Variants in CRTAC1 observed in about 807,000 individuals in gnomAD.
CRTAC1 encodes the protein cartilage acidic protein 1, also known as acidic secreted protein in cartilage.
In CRTAC1, 37 loss-of-function variants were observed where a neutral mutation model predicts 67.8. The ratio of observed to expected loss-of-function variants is 0.55; its 90% CI spans 0.42 to 0.72. CRTAC1 has a LOEUF of 0.72. CRTAC1 is among the 30% of genes least tolerant of loss of function. CRTAC1 has a pLI of 0.00. For missense variants in CRTAC1, 780 were observed against 931.6 expected (o/e 0.84, Z 2.12); for synonymous variants, 348 against 371.0 (o/e 0.94, Z 0.71).
intron 1 of CRTAC1, among the ~76,000 whole-genome samples, chr10:98,018,859 C>T (rs1344593716): frequency 1.3e-5 from 2 of 152,146 alleles, no homozygotes; most frequent in South Asian, 4.1e-4. Context: ...CACAAAGACA[C>T]CCACAAAAGA....
intron 11 of CRTAC1, among the ~76,000 whole-genome samples, chr10:97,889,419 A>G (rs2050333011): frequency 6.9e-6 from 1 of 145,604 alleles, no homozygotes; most frequent in Non-Finnish European, 1.5e-5. Context: ...AGCAGCAGGG[A>G]CAGGCCAGGG....
At chr10:97,890,606 C>A (rs902925720) in intron 11 of CRTAC1, among the ~76,000 whole-genome samples, 5 of 152,070 alleles carry the variant, frequency 3.3e-5, no homozygotes, top group Middle Eastern at 3.2e-3. Context: ...CTTGTTGCCC[C>A]TTCCTCTCTG....
chr10:97,885,703 C>G (rs2050273376), intron 11 of CRTAC1, among the ~76,000 whole-genome samples: 1 of 152,120 alleles, frequency 6.6e-6, no homozygotes, highest in Non-Finnish European at 1.5e-5. Context: ...AGGTCAGCCC[C>G]TGGGAAGGAG....
chr10:97,897,021 T>TG, intron 8 of CRTAC1, 30 bp from the exon 9 acceptor site: 1 of 1,523,838 alleles, frequency 6.6e-7, no homozygotes, highest in South Asian at 1.2e-5. Context: ...CTTGCTCTGG[T>TG]GGGGTCTCAG....
chr10:97,959,173 T>G lies in CRTAC1; in HGVS notation c.225-22807A>C, dbSNP rs552528994. Among the ~76,000 whole-genome samples, 9 of 152,328 alleles carry G rather than the reference T, an allele frequency of 5.9e-5. No homozygotes were observed. In the East Asian group the frequency reaches 1.5e-3, roughly 26 times the overall value. ...ATATTCAGGTGGATCGGGGTCCCCA[T>G]GACCACCCCTAGACTCAATGATTCA... On this transcript the variant is annotated intron_variant, in intron 2 of 14. Coordinates refer to ENST00000370597, the MANE Select transcript of CRTAC1 (RefSeq NM_018058.7).
chr10:97,956,950 T>C (rs903242814), intron 2 of CRTAC1, among the ~76,000 whole-genome samples: 1 of 150,822 alleles, frequency 6.6e-6, no homozygotes, highest in Non-Finnish European at 1.5e-5. Context: ...GGGACTTCAG[T>C]CACATGCCAC....
chr10:97,937,466 C>T (rs1270674848), intron 2 of CRTAC1, among the ~76,000 whole-genome samples: 2 of 152,234 alleles, frequency 1.3e-5, no homozygotes, highest in African/African-American at 4.8e-5. Flanking sequence ...TTCTCATTTA[C>T]CTCTTCCTTC....
chr10:97,872,777 G>C (rs2050107794), intron 14 of CRTAC1, among the ~76,000 whole-genome samples: 1 of 152,178 alleles, frequency 6.6e-6, no homozygotes, highest in African/African-American at 2.4e-5. Context: ...GATCGCCCCT[G>C]GGCTCCCCAG....
chr10:97,916,865 A>G (rs1320824803), intron 5 of CRTAC1, among the ~76,000 whole-genome samples: 2 of 152,184 alleles, frequency 1.3e-5, no homozygotes, highest in African/African-American at 4.8e-5. Context: ...CCGTGCTGGA[A>G]TTAGAAAAAC....
At chr10:97,941,427 T>G (rs1033709460) in intron 2 of CRTAC1, among the ~76,000 whole-genome samples, 3 of 152,126 alleles carry the variant, frequency 2.0e-5, no homozygotes, top group Admixed American at 6.6e-5. Context: ...CAATTCCAAA[T>G]TCATACTTCC....
intron 1 of CRTAC1, among the ~76,000 whole-genome samples, chr10:98,022,186 A>G (rs1014459029): frequency 6.6e-6 from 1 of 151,722 alleles, no homozygotes; most frequent in South Asian, 2.1e-4. Context: ...AGAAACCCCA[A>G]CTCTACTAAA....
chr10:97,905,489 A>G (rs1171066422), intron 6 of CRTAC1, among the ~76,000 whole-genome samples: 2 of 152,066 alleles, frequency 1.3e-5, no homozygotes, highest in African/African-American at 2.4e-5. Flanking sequence ...CACCCTGTCA[A>G]TCTCCCTGAC....
At position 98,030,580 on chromosome 10, in the gene CRTAC1, G is replaced by C. The variant is rs1843357053; in HGVS notation, c.-108C>G. ...TGCTCCCAGCCCCGGTCCCGGGCTG[G>C]CCTCGAGCCTCCCGCCCCGACGCCG... On this transcript the variant is annotated 5_prime_UTR_variant, in exon 1 of 15. Coordinates refer to ENST00000370597, the MANE Select transcript of CRTAC1 (RefSeq NM_018058.7). This position sits in a 1 kb window ranked among gnomAD's most constrained non-coding sequence, Gnocchi z 4.2. 10 of 723,066 alleles carry C rather than the reference G, an allele frequency of 1.4e-5. No homozygotes were observed. The highest frequency in any genetic ancestry group is 1.9e-5 in the Non-Finnish European group (10 of 522,170). 44.8% of individuals were successfully genotyped at this position (723,066 alleles called of 1,614,324 possible). A position where few individuals can be genotyped will look rare whatever the true frequency, so the allele number is the denominator to read the frequency against.
At chr10:97,972,872 T>TATTTCA (rs2051737638) in intron 2 of CRTAC1, among the ~76,000 whole-genome samples, 1 of 152,144 alleles carries the variant, frequency 6.6e-6, no homozygotes, top group African/African-American at 2.4e-5. Flanking sequence ...TTTCATCAAT[T>TATTTCA]CCAAGACATT....
intron 14 of CRTAC1, among the ~76,000 whole-genome samples, chr10:97,874,431 A>G (rs1407259595): frequency 6.6e-6 from 1 of 152,178 alleles, no homozygotes; most frequent in Non-Finnish European, 1.5e-5. Flanking sequence ...AGCAGAACAT[A>G]GCACAGCCCA....
At position 97,937,561 on chromosome 10, in the gene CRTAC1, G is replaced by A. The variant is rs115059350; in HGVS notation, c.225-1195C>T. On this transcript the variant is annotated intron_variant, in intron 2 of 14. Coordinates refer to ENST00000370597, the MANE Select transcript of CRTAC1 (RefSeq NM_018058.7). Reference sequence around the variant, plus strand: ...TCCCCAGTGCCTAGAACCATGCCTAGTATACAATAGGTGCTCAATAAATAT... The same window carrying A: ...TCCCCAGTGCCTAGAACCATGCCTAATATACAATAGGTGCTCAATAAATAT... 4.2e-3 allele frequency among the ~76,000 whole-genome samples: 634 copies of A among 152,308 alleles called. 3 individuals carry two copies. The highest frequency in any genetic ancestry group is 0.014 in the African/African-American group (572 of 41,562).
At chr10:98,004,301 T>C (rs1334540186) in intron 2 of CRTAC1, among the ~76,000 whole-genome samples, 1 of 152,208 alleles carries the variant, frequency 6.6e-6, no homozygotes, top group Non-Finnish European at 1.5e-5. Flanking sequence ...AATTCAGTTT[T>C]AATAGCAGCA....
rs1436709056 is a variant in CRTAC1 at position 97,907,216 on chromosome 10, C to A, written c.850+797G>T. 3.3e-5 allele frequency among the ~76,000 whole-genome samples: 5 copies of A among 152,142 alleles called. No homozygotes were observed. The East Asian group carries it at 9.6e-4, about 29-fold the overall frequency. ...GACAAACCATGATGGCAATGTGGAGCCTGAAGAAGACGTGCATGCCACGGG... is the reference window on the plus strand; with the variant it reads ...GACAAACCATGATGGCAATGTGGAGACTGAAGAAGACGTGCATGCCACGGG... On this transcript the variant is annotated intron_variant, in intron 6 of 14. Transcript: ENST00000370597.
At chr10:97,983,488 G>T (rs528345319) in intron 2 of CRTAC1, among the ~76,000 whole-genome samples, 10 of 149,002 alleles carry the variant, frequency 6.7e-5, no homozygotes, top group African/African-American at 2.6e-4. Flanking sequence ...GCCAAAAGTA[G>T]AGATTCTCCT....
Sources: gnomAD v4.1 joint callset for allele counts (sites outside exome capture counted in the v4.1 genomes callset) on GRCh38, gnomAD v4.1.1 for gene constraint, Gnocchi (gnomAD v3.1) non-coding constraint, MANE v1.5 for transcripts, NCBI Gene and HGNC (gene_info 2026-07-23, HGNC 2026-07-21) for gene names.